SLC22A5: variants seen among roughly 807,000 people sequenced by gnomAD.
SLC22A5 encodes solute carrier family 22 member 5, also known as organic cation/carnitine transporter 2.
SLC22A5 carries 44 observed loss-of-function variants against 56.7 expected under a neutral mutation model. The ratio of observed to expected loss-of-function variants is 0.78; its 90% CI spans 0.61 to 1.00. The LOEUF (loss-of-function observed/expected upper bound fraction) is 1.00, where lower values mean the gene tolerates loss of function less well. Among genes scored for constraint, SLC22A5 ranks in the 50% least tolerant of loss-of-function variants. The probability of loss-of-function intolerance (pLI) is 0.00; values close to 1 mark genes in which losing one functional copy is unlikely to be tolerated. For synonymous variants in SLC22A5, 278 were observed against 292.1 expected (o/e 0.95, Z 0.49); for missense variants, 675 against 723.0 (o/e 0.93, Z 0.76).
intron 1 of SLC22A5, among the ~76,000 whole-genome samples, chr5:132,371,927 GT>G (rs776863173): frequency 2.6e-5 from 4 of 152,072 alleles, no homozygotes; most frequent in Non-Finnish European, 5.9e-5. Flanking sequence ...GCTTCTTGGC[GT>G]CATCACCCTT....
At position 132,387,136 on chromosome 5, in the gene SLC22A5, C is replaced by G; in HGVS notation, c.936C>G (p.Ile312Met). 1 of 1,614,186 alleles carries G rather than the reference C, an allele frequency of 6.2e-7. No individual in the cohort carries two copies. The highest frequency in any genetic ancestry group is 8.5e-7 in the Non-Finnish European group (1 of 1,180,040). ...ATGGGATTGTTGTGCCTTCCACTAT[C>G]TTTGACCCGAGTGAGGTAAGCACCA... ...KANGIVVPSTIFDPSELQDLS... is the reference protein window; with the variant it reads ...KANGIVVPSTMFDPSELQDLS... Residue 312 changes from isoleucine (I) to methionine (M), a missense_variant, in exon 5 of 10, where the codon ATC becomes ATG. Coordinates refer to ENST00000245407, the MANE Select transcript of SLC22A5 (RefSeq NM_003060.4).
At position 132,395,327 on chromosome 5, in the gene SLC22A5, A is replaced by G. The variant is rs1389820894; in HGVS notation, c.*1055A>G. ...TTCTCTAAGTGCCAAAAACAGTGTC[A>G]TTGTGTGTGTTCCTTTCTTGATACT... On this transcript the variant is annotated 3_prime_UTR_variant, in exon 10 of 10. Transcript: ENST00000245407. 1 of 152,172 alleles carries G rather than the reference A, an allele frequency of 6.6e-6. No individual in the cohort carries two copies. The highest frequency in any genetic ancestry group is 2.4e-5 in the African/African-American group (1 of 41,208). 9.4% of individuals were successfully genotyped at this position (152,172 alleles called of 1,614,324 possible).
At position 132,369,817 on chromosome 5, in the gene SLC22A5, G is replaced by C; in HGVS notation, c.-156G>C. 1 of 935,370 alleles carries C rather than the reference G, an allele frequency of 1.1e-6. No individual in the cohort carries two copies. The highest frequency in any genetic ancestry group is 1.8e-5 in the African/African-American group (1 of 57,118). 57.9% of individuals were successfully genotyped at this position (935,370 alleles called of 1,614,324 possible). A position where few individuals can be genotyped will look rare whatever the true frequency, so the allele number is the denominator to read the frequency against. On this transcript the variant is annotated 5_prime_UTR_variant, in exon 1 of 10. Coordinates refer to ENST00000245407, the MANE Select transcript of SLC22A5 (RefSeq NM_003060.4). ...GTAAGGCCAGCCGCGGCAGGACCAA[G>C]GCGGCGGTGTCAGCTCGCGAGCCTA... is the stretch of plus-strand genomic sequence containing the variant.
At chr5:132,389,224 A>G in intron 6 of SLC22A5, 1 of 562,452 alleles carries the variant, frequency 1.8e-6, no homozygotes, top group Non-Finnish European at 3.2e-6. Flanking sequence ...GAATGAAAAC[A>G]ATTGTGGAGG....
intron 1 of SLC22A5, among the ~76,000 whole-genome samples, chr5:132,373,902 A>G (rs1223270939): frequency 1.3e-5 from 2 of 151,738 alleles, no homozygotes; most frequent in Non-Finnish European, 2.9e-5. Flanking sequence ...AGCTCTGTCC[A>G]GCCTATGGAC....
intron 5 of SLC22A5, 142 bp from the exon 6 acceptor site, chr5:132,388,779 A>G (rs1055661614): frequency 1.4e-6 from 1 of 701,704 alleles, no homozygotes; most frequent in Non-Finnish European, 2.6e-6. Context: ...CACAGTCAGT[A>G]TACTTACTGT....
chr5:132,387,624 GA>G (rs909069168), intron 5 of SLC22A5, among the ~76,000 whole-genome samples: 73 of 150,978 alleles, frequency 4.8e-4, no homozygotes, highest in Non-Finnish European at 4.0e-4. Context: ...TCATTAAAAA[GA>G]AAAAAAAAGT....
rs1751812114 is a variant in SLC22A5 at position 132,369,844 on chromosome 5, C to T, written c.-129C>T. 1 of 1,228,464 alleles carries T rather than the reference C, an allele frequency of 8.1e-7. No individual in the cohort carries two copies. The highest frequency in any genetic ancestry group is 2.6e-5 in the East Asian group (1 of 38,358). The allele number at this position is 1,228,464 out of a possible 1,614,324, so 76.1% of individuals were successfully genotyped here. A position where few individuals can be genotyped will look rare whatever the true frequency, so the allele number is the denominator to read the frequency against. On this transcript the variant is annotated 5_prime_UTR_variant, in exon 1 of 10. Transcript: ENST00000245407. ...CGGCGGTGTCAGCTCGCGAGCCTAC[C>T]CTCCGCGGACGGTCTTGGGTCGCCT...
intron 3 of SLC22A5, 101 bp downstream of exon 3, chr5:132,384,402 A>G: frequency 1.6e-6 from 2 of 1,260,024 alleles, no homozygotes; most frequent in Non-Finnish European, 2.3e-6. Flanking sequence ...CAAGGGGGAC[A>G]GGGTTTCTAA....
intron 2 of SLC22A5, chr5:132,381,845 C>T (rs1235211753): frequency 6.6e-6 from 1 of 152,144 alleles, no homozygotes; most frequent in Non-Finnish European, 1.5e-5. Context: ...AGGACTGGTG[C>T]TATGTAAAGG....
intron 6 of SLC22A5, chr5:132,390,196 A>C: frequency 4.5e-6 from 1 of 221,244 alleles, no homozygotes; most frequent in Non-Finnish European, 9.1e-6. Flanking sequence ...CCTCTTCCTG[A>C]CTGGTCACCA....
At chr5:132,380,425 T>A (rs1311476120) in intron 2 of SLC22A5, 1 of 141,602 alleles carries the variant, frequency 7.1e-6, no homozygotes, top group Non-Finnish European at 1.5e-5. Context: ...AGTGTGACAA[T>A]CAGATTTGTC....
At chr5:132,378,559 TG>T (rs1752232225) in intron 2 of SLC22A5, 78 bp downstream of exon 2, 1 of 1,059,722 alleles carries the variant, frequency 9.4e-7, no homozygotes, top group South Asian at 1.3e-5. Context: ...TGATTTCAGT[TG>T]GTAGTATTCT....
chr5:132,384,121 ATCTGTCAC>A lies in SLC22A5; in HGVS notation c.498-22_498-15del, dbSNP rs1187291009. 1.2e-6 allele frequency: 2 copies of A among 1,613,850 alleles called. No individual in the cohort carries two copies. The highest frequency in any genetic ancestry group is 1.7e-6 in the Non-Finnish European group (2 of 1,179,902). On this transcript the variant is annotated intron_variant, in intron 2 of 9. Transcript: ENST00000245407. ...TCCTGCTGCCCTTTTCCAGCTGGTTATCTGTCACTCTCCTTTTCTTCCCAGGTTTGGCC... is the reference window on the plus strand; with the variant it reads ...TCCTGCTGCCCTTTTCCAGCTGGTTATCTCCTTTTCTTCCCAGGTTTGGCC...
intron 1 of SLC22A5, among the ~76,000 whole-genome samples, chr5:132,370,767 C>A (rs765559573): frequency 6.6e-6 from 1 of 152,144 alleles, no homozygotes; most frequent in Non-Finnish European, 1.5e-5. Context: ...CTCTTGATTT[C>A]TTTTTAGAAG....
At chr5:132,378,509 G>A (rs1412044191) in intron 2 of SLC22A5, 28 bp downstream of exon 2, 3 of 1,540,836 alleles carry the variant, frequency 1.9e-6, no homozygotes, top group South Asian at 1.1e-5. Flanking sequence ...TGGAGCACCA[G>A]GGGACCTCAG....
chr5:132,369,923 CGCCGCGTTCCCCGACCCCAG>C lies in SLC22A5; in HGVS notation c.-43_-24del, dbSNP rs1561560164. On this transcript the variant is annotated 5_prime_UTR_variant, in exon 1 of 10. Transcript: ENST00000245407. ...GTGCCCCGCGCGCACGCGCAAAGCC[CGCCGCGTTCCCCGACCCCAG>C]GCCGCGCTCTGTGGGCCTCTGAGGG... is the stretch of plus-strand genomic sequence containing the variant. 4.4e-6 allele frequency: 7 copies of C among 1,603,992 alleles called. No homozygotes were observed. The highest frequency in any genetic ancestry group is 6.0e-6 in the Non-Finnish European group (7 of 1,176,342).
chr5:132,377,954 G>T lies in SLC22A5; in HGVS notation c.394-424G>T. 7.1e-6 allele frequency: 5 copies of T among 702,346 alleles called. No individual in the cohort carries two copies. In the South Asian group the frequency reaches 9.8e-5, roughly 14 times the overall value. The allele number at this position is 702,346 out of a possible 1,614,324, so 43.5% of individuals were successfully genotyped here. A position where few individuals can be genotyped will look rare whatever the true frequency, so the allele number is the denominator to read the frequency against. ...AGTTTCTTGCTGGATGCTTTGGCCC[G>T]TAGAGCCCCAGAGCCCTGCTTCCAG... On this transcript the variant is annotated intron_variant, in intron 1 of 9. Coordinates refer to ENST00000245407, the MANE Select transcript of SLC22A5 (RefSeq NM_003060.4).
chr5:132,387,440 A>G (rs1377514181), intron 5 of SLC22A5, among the ~76,000 whole-genome samples: 1 of 152,164 alleles, frequency 6.6e-6, no homozygotes, highest in Non-Finnish European at 1.5e-5. Flanking sequence ...TACTTCTAAC[A>G]ATAAATACTC....
Sources: gnomAD v4.1 joint callset for allele counts (sites outside exome capture counted in the v4.1 genomes callset) on GRCh38, gnomAD v4.1.1 for gene constraint, MANE v1.5 for transcripts, NCBI Gene and HGNC (gene_info 2026-07-23, HGNC 2026-07-21) for gene names.